The following TNFRSF10B variants were observed in gnomAD, a reference collection of about 807,000 sequenced individuals.
TNFRSF10B encodes tumor necrosis factor receptor superfamily member 10B.
Under a neutral mutation model 41.4 loss-of-function variants are expected in TNFRSF10B, and 35 were observed. That is an observed-to-expected ratio of 0.85 (90% CI 0.65 to 1.12). TNFRSF10B has a LOEUF of 1.12. TNFRSF10B is among the 50% of genes most tolerant of loss of function. TNFRSF10B has a pLI of 0.00. For missense variants in TNFRSF10B, 584 were observed against 552.7 expected (o/e 1.06, Z -0.57); for synonymous variants, 230 against 215.5 (o/e 1.07, Z -0.59).
At chr8:23,035,831 T>C (rs1312409083) in intron 2 of TNFRSF10B, among the ~76,000 whole-genome samples, 1 of 152,208 alleles carries the variant, frequency 6.6e-6, no homozygotes, top group Non-Finnish European at 1.5e-5. Flanking sequence ...TTTGGGTGTG[T>C]TTCTCTGGCC....
chr8:23,052,485 AC>A, intron 1 of TNFRSF10B, among the ~76,000 whole-genome samples: 1 of 151,894 alleles, frequency 6.6e-6, no homozygotes, highest in South Asian at 2.1e-4. Context: ...ACGGGGTTTC[AC>A]CGTGTCAGCC....
intron 2 of TNFRSF10B, among the ~76,000 whole-genome samples, chr8:23,033,876 C>A (rs1212090989): frequency 6.6e-6 from 1 of 152,030 alleles, no homozygotes; most frequent in Non-Finnish European, 1.5e-5. Context: ...AGGCACTAAT[C>A]CCATCATGAG....
At chr8:23,031,471 G>T (rs1253171948) in intron 2 of TNFRSF10B, among the ~76,000 whole-genome samples, 1 of 151,804 alleles carries the variant, frequency 6.6e-6, no homozygotes, top group Non-Finnish European at 1.5e-5. Context: ...TCAGCTCACT[G>T]CACCCTCGAC....
chr8:23,065,039 G>T (rs1201390398), intron 1 of TNFRSF10B, among the ~76,000 whole-genome samples: 2 of 152,198 alleles, frequency 1.3e-5, no homozygotes, highest in Non-Finnish European at 2.9e-5. Context: ...TGGAGGTGGG[G>T]GAGGTGACAG....
intron 8 of TNFRSF10B, 27 bp from the exon 9 acceptor site, chr8:23,023,011 C>A (rs1811585981): frequency 6.2e-7 from 1 of 1,605,116 alleles, no homozygotes; most frequent in Non-Finnish European, 8.5e-7. Flanking sequence ...CAGAGACAGC[C>A]AGGTGAGTTG....
intron 1 of TNFRSF10B, among the ~76,000 whole-genome samples, chr8:23,065,923 A>G (rs1259714394): frequency 6.6e-6 from 1 of 152,246 alleles, no homozygotes; most frequent in Non-Finnish European, 1.5e-5. Context: ...AACTTAAAAC[A>G]GGTCATCTAA....
intron 1 of TNFRSF10B, among the ~76,000 whole-genome samples, chr8:23,053,251 T>C (rs1050894261): frequency 1.9e-4 from 29 of 152,280 alleles, no homozygotes; most frequent in African/African-American, 7.0e-4. Flanking sequence ...GGTCGTAGGC[T>C]CCATACCTAG....
intron 7 of TNFRSF10B, among the ~76,000 whole-genome samples, chr8:23,026,562 G>C (rs1466715608): frequency 6.6e-6 from 1 of 152,106 alleles, no homozygotes; most frequent in Non-Finnish European, 1.5e-5. Flanking sequence ...TTATGTTCGA[G>C]GGAAGGACTT....
chr8:23,048,793 T>G (rs115214272), intron 1 of TNFRSF10B, among the ~76,000 whole-genome samples: 1,944 of 152,164 alleles, frequency 0.013, 39 homozygotes, highest in African/African-American at 0.044. Flanking sequence ...TTATTGGGAG[T>G]TGCCATGTTG....
chr8:23,024,097 T>A (rs1443715506), intron 8 of TNFRSF10B, 91 bp downstream of exon 8: 13 of 1,535,264 alleles, frequency 8.5e-6, no homozygotes, highest in Non-Finnish European at 1.2e-5. Flanking sequence ...TGGAATACTC[T>A]GGAAGAGCCC....
intron 1 of TNFRSF10B, among the ~76,000 whole-genome samples, chr8:23,062,872 T>C (rs577605273): frequency 6.6e-6 from 1 of 152,344 alleles, no homozygotes; most frequent in South Asian, 2.1e-4. Context: ...ATAATACAGA[T>C]TGATTCATCT....
At position 23,022,224 on chromosome 8, in the gene TNFRSF10B, C is replaced by G; in HGVS notation, c.*447G>C. 2.2e-6 allele frequency: 1 copy of G among 453,000 alleles called. No individual in the cohort carries two copies. The highest frequency in any genetic ancestry group is 4.4e-6 in the Non-Finnish European group (1 of 225,944). The allele number at this position is 453,000 out of a possible 1,614,324, so 28.1% of individuals were successfully genotyped here. ...ATAGTGAGCCAAGATTGCACCATTG[C>G]ACTCCAGCCTGGGAGACAGAGTGAA... On this transcript the variant is annotated 3_prime_UTR_variant, in exon 9 of 9. Coordinates refer to ENST00000276431, the MANE Select transcript of TNFRSF10B (RefSeq NM_003842.5).
chr8:23,042,219 T>C (rs1370922366), intron 2 of TNFRSF10B, among the ~76,000 whole-genome samples: 1 of 152,176 alleles, frequency 6.6e-6, no homozygotes, highest in African/African-American at 2.4e-5. Flanking sequence ...GGTTCTTCCT[T>C]CTCCATGCTC....
At chr8:23,037,728 T>C (rs34680437) in intron 2 of TNFRSF10B, among the ~76,000 whole-genome samples, 47,400 of 152,024 alleles carry the variant, frequency 0.31, 7,569 homozygotes, top group East Asian at 0.36. Flanking sequence ...TCATTTACAA[T>C]GTCAGCTGGG....
intron 1 of TNFRSF10B, among the ~76,000 whole-genome samples, chr8:23,067,890 C>T (rs1813041244): frequency 6.6e-6 from 1 of 152,200 alleles, no homozygotes; most frequent in Non-Finnish European, 1.5e-5. Flanking sequence ...GTCTCTTCCT[C>T]TGTAAAATGT....
At chr8:23,029,447 C>G (rs1343569860) in intron 4 of TNFRSF10B, among the ~76,000 whole-genome samples, 163 bp downstream of exon 4, 2 of 151,896 alleles carry the variant, frequency 1.3e-5, no homozygotes, top group Non-Finnish European at 1.5e-5. Flanking sequence ...AAAGAGGCTG[C>G]TGCAGGGGGC....
intron 1 of TNFRSF10B, among the ~76,000 whole-genome samples, chr8:23,049,229 T>TA (rs1304222713): frequency 6.6e-6 from 1 of 152,122 alleles, no homozygotes; most frequent in Non-Finnish European, 1.5e-5. Context: ...TATTAAAAGC[T>TA]AAAAAAAGCC....
chr8:23,024,278 G>C lies in TNFRSF10B; in HGVS notation c.937-18C>G, dbSNP rs754801709. 1.2e-6 allele frequency: 2 copies of C among 1,613,764 alleles called. No individual in the cohort carries two copies. The highest frequency in any genetic ancestry group is 2.7e-5 in the African/African-American group (2 of 74,896). ...GCCGGTTCCTGTAACACATAGTGGG[G>C]AATGTCCTGGTCAGAGCCAGGAGTC... On this transcript the variant is annotated intron_variant, in intron 7 of 8. Coordinates refer to ENST00000276431, the MANE Select transcript of TNFRSF10B (RefSeq NM_003842.5).
At chr8:23,040,344 AATATATACAAAATATATATTTAATAAAT>A (rs1322947618) in intron 2 of TNFRSF10B, among the ~76,000 whole-genome samples, 12,930 of 36,162 alleles carry the variant, frequency 0.36, 3,414 homozygotes, top group East Asian at 0.56. Context: ...ATATTTATTA[AATATATACAAAATATATATTTAATAAAT>A]ATATATACAA....
Sources: gnomAD v4.1 joint callset for allele counts (sites outside exome capture counted in the v4.1 genomes callset) on GRCh38, gnomAD v4.1.1 for gene constraint, MANE v1.5 for transcripts, NCBI Gene and HGNC (gene_info 2026-07-23, HGNC 2026-07-21) for gene names.